WRNIP1: variants seen among roughly 807,000 people sequenced by gnomAD.
WRNIP1 encodes the protein ATPase WRNIP1.
A neutral mutation model predicts 56.1 loss-of-function variants in WRNIP1; 41 were observed. That is an observed-to-expected ratio of 0.73 (90% CI 0.57 to 0.95). WRNIP1 has a LOEUF of 0.95. Ranked by LOEUF, WRNIP1 falls within the 40% of genes least tolerant of loss-of-function variation. The pLI, the probability that WRNIP1 is intolerant of heterozygous loss-of-function variation, is 0.00. For synonymous variants in WRNIP1, 547 were observed against 398.1 expected (o/e 1.37, Z -4.45); for missense variants, 1,170 against 939.4 (o/e 1.25, Z -3.21).
In WRNIP1 at chr6:2,766,312, G is replaced by A. The variant is rs781533432; in HGVS notation, c.690G>A (p.Thr230=). The part of the protein sequence containing the change: ...QMLQGKPLAD[T]MRPDTLQDYF... Reference sequence around the variant, plus strand: ...TACAGGGCAAGCCGCTGGCCGACACGATGCGTCCTGACACGCTGCAGGATT... The same window carrying A: ...TACAGGGCAAGCCGCTGGCCGACACAATGCGTCCTGACACGCTGCAGGATT... The change falls in exon 1 of 7, where the codon ACG becomes ACA. Residue 230 remains threonine, a synonymous_variant. Coordinates refer to ENST00000380773, the MANE Select transcript of WRNIP1 (RefSeq NM_020135.3). 1.9e-6 allele frequency: 3 copies of A among 1,609,988 alleles called. No individual in the cohort carries two copies. Among genetic ancestry groups the A allele is most frequent in the Non-Finnish European group, 2.5e-6 (3 of 1,178,760 alleles).
rs1305034908 is a variant in WRNIP1, at chr6:2,765,592, G to C, written c.-31G>C. 6.8e-7 allele frequency: 1 copy of C among 1,469,468 alleles called. No individual in the cohort carries two copies. 91.0% of individuals were successfully genotyped at this position (1,469,468 alleles called of 1,614,324 possible). ...CGCGTGCGCACGGGTTGCTGCGGCC[G>C]CGCCGGGCGCCGGGGAGGGCGGCGG... On this transcript the variant is annotated 5_prime_UTR_variant, in exon 1 of 7. Transcript: ENST00000380773.
Position 2,776,456 on chromosome 6 carries a change from A to G in WRNIP1, c.1257-2807A>G, listed in dbSNP as rs543129829. Reference sequence around the variant, plus strand: ...GATTATACCCAAGGGGAGGAAGAAGAAGGGAGTGGCGCGAGCTCAGGTAGC... The same window carrying G: ...GATTATACCCAAGGGGAGGAAGAAGGAGGGAGTGGCGCGAGCTCAGGTAGC... On this transcript the variant is annotated intron_variant, in intron 3 of 6. Transcript: ENST00000380773. Among the ~76,000 whole-genome samples the G allele has an allele frequency of 3.9e-5, 6 of 152,330 alleles. No homozygotes were observed. The East Asian group carries it at 1.2e-3, about 29-fold the overall frequency.
intron 3 of WRNIP1, among the ~76,000 whole-genome samples, chr6:2,777,323 G>A (rs915643346): frequency 2.0e-5 from 3 of 149,050 alleles, no homozygotes; most frequent in Non-Finnish European, 3.0e-5. Context: ...GAGGTGCTCC[G>A]CATAGTAGGG....
chr6:2,780,408 C>A (rs1253750035), intron 4 of WRNIP1, among the ~76,000 whole-genome samples: 1 of 152,184 alleles, frequency 6.6e-6, no homozygotes, highest in Admixed American at 6.5e-5. Flanking sequence ...GGTGAGCACA[C>A]TCGCTGCATG....
At chr6:2,783,634 C>CATTTTTT (rs1765631268) in intron 5 of WRNIP1, 73 bp downstream of exon 5, 1 of 38,956 alleles carries the variant, frequency 2.6e-5, no homozygotes, top group Admixed American at 5.9e-4. Context: ...TACATCGTGG[C>CATTTTTT]TTTTTTTTTT....
rs878887787 is a variant in WRNIP1 at position 2,765,563 on chromosome 6, C to T, written c.-60C>T. On this transcript the variant is annotated 5_prime_UTR_variant, in exon 1 of 7. Transcript: ENST00000380773. ...GGGGCCTAGCGGAGGGCATCGAAGG[C>T]CTCCGCGTGCGCACGGGTTGCTGCG... 59 of 1,395,854 alleles carry T rather than the reference C, an allele frequency of 4.2e-5. No individual in the cohort carries two copies. The highest frequency in any genetic ancestry group is 2.6e-4 in the Middle Eastern group (1 of 3,864). 86.5% of individuals were successfully genotyped at this position (1,395,854 alleles called of 1,614,324 possible).
At position 2,783,634 on chromosome 6, in the gene WRNIP1, C is replaced by CT. The variant is rs398000193; in HGVS notation, c.1642+92dup. ...GAAATGGCTAACAGTTACATCGTGG[C>CT]TTTTTTTTTTTTTTTTTTTGCAGGG... On this transcript the variant is annotated intron_variant, in intron 5 of 6. Coordinates refer to ENST00000380773, the MANE Select transcript of WRNIP1 (RefSeq NM_020135.3). 343 of 39,548 alleles carry CT rather than the reference C, an allele frequency of 8.7e-3. 15 individuals are homozygous for CT. The highest frequency in any genetic ancestry group is 0.018 in the South Asian group (12 of 652). The allele number at this position is 39,548 out of a possible 1,614,324, so 2.4% of individuals were successfully genotyped here.
chr6:2,782,244 T>C (rs1416757319), intron 4 of WRNIP1, among the ~76,000 whole-genome samples: 1 of 152,218 alleles, frequency 6.6e-6, no homozygotes, highest in Non-Finnish European at 1.5e-5. Flanking sequence ...TCTCGGCCAG[T>C]GTCCATAGCA....
intron 2 of WRNIP1, among the ~76,000 whole-genome samples, chr6:2,769,369 G>T (rs1014035528): frequency 6.6e-6 from 1 of 151,762 alleles, no homozygotes; most frequent in Non-Finnish European, 1.5e-5. Flanking sequence ...TGAAATAAAA[G>T]GACACAAGCT....
rs996340548 is a variant in WRNIP1, at chr6:2,765,474, G to C, written c.-149G>C. 18 of 1,036,380 alleles carry C rather than the reference G, an allele frequency of 1.7e-5. No individual in the cohort carries two copies. The highest frequency in any genetic ancestry group is 4.5e-5 in the Admixed American group (1 of 22,152). The allele number at this position is 1,036,380 out of a possible 1,614,324, so 64.2% of individuals were successfully genotyped here. On this transcript the variant is annotated 5_prime_UTR_variant, in exon 1 of 7. It removes an upstream start codon present in the reference 5' UTR. Transcript: ENST00000380773. ...CGCGGGAGCTGCGGACGTGAGGCAT[G>C]AGCGGCGCCCTCCTCCGGCCCGCGA...
In WRNIP1 at chr6:2,783,482, G is replaced by A; in HGVS notation, c.1563G>A (p.Trp521Ter). 1 of 1,613,944 alleles carries A rather than the reference G, an allele frequency of 6.2e-7. No individual in the cohort carries two copies. The highest frequency in any genetic ancestry group is 8.5e-7 in the Non-Finnish European group (1 of 1,179,946). ...CAGACCAGAACGCCTCCCTCTACTG[G>A]CTGGCTCGCATGCTCGAGGGAGGAG... ...RGSDQNASLY[W>*]LARMLEGGED... The change falls in exon 5 of 7, where the codon TGG becomes TGA. Residue 521 changes from tryptophan (W) to a stop codon, truncating the protein, a stop_gained. Transcript: ENST00000380773. LOFTEE classifies it high-confidence loss of function.
In WRNIP1 at chr6:2,773,172, A is replaced by G. The variant is rs537917411; in HGVS notation, c.1256+2811A>G. The G allele has an allele frequency of 8.1e-6, 8 of 985,430 alleles. No individual in the cohort carries two copies. In the South Asian group the frequency reaches 2.3e-4, roughly 29 times the overall value. The allele number at this position is 985,430 out of a possible 1,614,324, so 61.0% of individuals were successfully genotyped here. On this transcript the variant is annotated intron_variant, in intron 3 of 6. Transcript: ENST00000380773. ...TGATAAATTCCCATTAAAGTGAAAT[A>G]AGTGTTCTTTTTTTAAAAAAAAATT...
At chr6:2,778,853 C>A (rs1269543395) in intron 3 of WRNIP1, among the ~76,000 whole-genome samples, 2 of 152,230 alleles carry the variant, frequency 1.3e-5, no homozygotes, top group Non-Finnish European at 2.9e-5. Flanking sequence ...GCACATCTGT[C>A]TCATCGGATG....
At chr6:2,767,281 A>G (rs968525711) in intron 1 of WRNIP1, among the ~76,000 whole-genome samples, 1 of 152,266 alleles carries the variant, frequency 6.6e-6, no homozygotes, top group Non-Finnish European at 1.5e-5. Context: ...GTGCTTAAAT[A>G]CAGGATGCTT....
rs1561910272 is a variant in WRNIP1, at chr6:2,770,371, C to G, written c.1256+10C>G. 1 of 1,613,918 alleles carries G rather than the reference C, an allele frequency of 6.2e-7. No individual in the cohort carries two copies. The highest frequency in any genetic ancestry group is 2.2e-5 in the East Asian group (1 of 44,884). ...GCAACAGCAGCTCAGAGTAAGTTGACAGTGTGCAGCGTCCTGGGGGCACAC... is the reference window on the plus strand; with the variant it reads ...GCAACAGCAGCTCAGAGTAAGTTGAGAGTGTGCAGCGTCCTGGGGGCACAC... On this transcript the variant is annotated intron_variant, in intron 3 of 6. Coordinates refer to ENST00000380773, the MANE Select transcript of WRNIP1 (RefSeq NM_020135.3).
rs1765654190 is a variant in WRNIP1 at position 2,784,266 on chromosome 6, G to T, written c.1643-58G>T. 3.2e-6 allele frequency: 5 copies of T among 1,555,970 alleles called. No homozygotes were observed. The East Asian group carries it at 1.1e-4, about 35-fold the overall frequency. On this transcript the variant is annotated intron_variant, in intron 5 of 6. Coordinates refer to ENST00000380773, the MANE Select transcript of WRNIP1 (RefSeq NM_020135.3). ...GGTGGTCTGTGGTCGCCTGCACATA[G>T]GCCAGGAGGACAGTGTGTGTCATGA... is the stretch of plus-strand genomic sequence containing the variant.
In WRNIP1 at chr6:2,766,129, G is replaced by A. The variant is rs1339066776; in HGVS notation, c.507G>A (p.Val169=). The A allele has an allele frequency of 2.3e-6, 3 of 1,325,648 alleles. No individual in the cohort carries two copies. Among genetic ancestry groups the A allele is most frequent in the Non-Finnish European group, 2.9e-6 (3 of 1,045,888 alleles). The allele number at this position is 1,325,648 out of a possible 1,614,324, so 82.1% of individuals were successfully genotyped here. The change falls in exon 1 of 7, where the codon GTG becomes GTA. Residue 169 remains valine, a synonymous_variant. Coordinates refer to ENST00000380773, the MANE Select transcript of WRNIP1 (RefSeq NM_020135.3). ...AGGCGCAGGAGGAGGAGGAGGCCGTGGGCGACGGCGATGGCGACGGGGACG... is the reference window on the plus strand; with the variant it reads ...AGGCGCAGGAGGAGGAGGAGGCCGTAGGCGACGGCGATGGCGACGGGGACG... ...EAEAQEEEEA[V]GDGDGDGDAD...
intron 2 of WRNIP1, 29 bp downstream of exon 2, chr6:2,768,911 C>G (rs1413429903): frequency 6.3e-7 from 1 of 1,577,922 alleles, no homozygotes; most frequent in Non-Finnish European, 8.6e-7. Context: ...ACCTTTTGGT[C>G]GTTGTGAACA....
chr6:2,784,760 T>C (rs1309048722), intron 6 of WRNIP1, among the ~76,000 whole-genome samples: 1 of 152,002 alleles, frequency 6.6e-6, no homozygotes, highest in Admixed American at 6.6e-5. Flanking sequence ...AAAAATTTAA[T>C]GTAGTAAAAA....
Sources: gnomAD v4.1 joint callset for allele counts (sites outside exome capture counted in the v4.1 genomes callset) on GRCh38, gnomAD v4.1.1 for gene constraint, MANE v1.5 for transcripts, NCBI Gene and HGNC (gene_info 2026-07-23, HGNC 2026-07-21) for gene names.